The following MDN1 variants were observed in gnomAD, a reference collection of about 807,000 sequenced individuals.
MDN1 encodes midasin.
In MDN1, 266 loss-of-function variants were observed where a neutral mutation model predicts 669.2. That is an observed-to-expected ratio of 0.40 (90% CI 0.36 to 0.44). The LOEUF is 0.44. Among genes scored for constraint, MDN1 ranks in the 20% least tolerant of loss-of-function variants. The probability of loss-of-function intolerance (pLI) is 1.00; values close to 1 mark genes in which losing one functional copy is unlikely to be tolerated. For synonymous variants in MDN1, 2,385 were observed against 2,457.1 expected, an observed-to-expected ratio of 0.97 and a Z score of 0.87; for missense variants, 5,940 against 6,754.0, an observed-to-expected ratio of 0.88 and a Z score of 4.22.
chr6:89,643,915 T>C lies in MDN1; in HGVS notation c.*90A>G, dbSNP rs1405808003. ...GTAAAATAAAAATATTACAATAAAA[T>C]TTTTTGTAGTTGTCCAAAAGGGAGC... On this transcript the variant is annotated 3_prime_UTR_variant, in exon 102 of 102. Coordinates refer to ENST00000369393, the MANE Select transcript of MDN1 (RefSeq NM_014611.3). 3.0e-5 allele frequency: 33 copies of C among 1,103,956 alleles called. No individual in the cohort carries two copies. Among genetic ancestry groups the C allele is most frequent in the Non-Finnish European group, 3.6e-5 (29 of 796,418 alleles). 68.4% of individuals were successfully genotyped at this position (1,103,956 alleles called of 1,614,324 possible). A position where few individuals can be genotyped will look rare whatever the true frequency, so the allele number is the denominator to read the frequency against.
chr6:89,780,031 AC>A (rs1178418123), intron 11 of MDN1, among the ~76,000 whole-genome samples, 180 bp downstream of exon 11: 1 of 151,762 alleles, frequency 6.6e-6, no homozygotes, highest in Admixed American at 6.6e-5. Flanking sequence ...ACGCCACTGC[AC>A]TCCAGCCTTG....
At chr6:89,756,062 T>C (rs1407702199) in intron 20 of MDN1, among the ~76,000 whole-genome samples, 1 of 152,234 alleles carries the variant, frequency 6.6e-6, no homozygotes, top group Non-Finnish European at 1.5e-5. Context: ...TATCTTCTCA[T>C]AGGTAATGAT....
At chr6:89,796,716 G>C (rs1384678506) in intron 2 of MDN1, among the ~76,000 whole-genome samples, 1 of 152,052 alleles carries the variant, frequency 6.6e-6, no homozygotes, top group African/African-American at 2.4e-5. Flanking sequence ...GCCTAAAATG[G>C]CTCTAAATTA....
chr6:89,733,812 T>A (rs1815758077), intron 33 of MDN1, among the ~76,000 whole-genome samples: 1 of 151,520 alleles, frequency 6.6e-6, no homozygotes, highest in Admixed American at 6.6e-5. Flanking sequence ...AATGAAAAAA[T>A]CCATTAATAG....
At chr6:89,664,077 G>A (rs1013853701) in intron 85 of MDN1, among the ~76,000 whole-genome samples, 2 of 152,188 alleles carry the variant, frequency 1.3e-5, no homozygotes, top group Non-Finnish European at 2.9e-5. Context: ...CCTGAGGGGG[G>A]ATCTATTTCT....
At chr6:89,720,738 G>C (rs1814762104) in intron 40 of MDN1, among the ~76,000 whole-genome samples, 1 of 152,204 alleles carries the variant, frequency 6.6e-6, no homozygotes, top group Non-Finnish European at 1.5e-5. Flanking sequence ...CAATAAAGCT[G>C]TTAAAAACTA....
At chr6:89,688,549 C>T (rs1468487633) in intron 66 of MDN1, 24 bp downstream of exon 66, 1 of 1,601,760 alleles carries the variant, frequency 6.2e-7, no homozygotes, top group South Asian at 1.1e-5. Context: ...ACTGTGAGCA[C>T]TCCTTCCTCA....
chr6:89,805,067 GCC>G (rs1302286934), intron 1 of MDN1, among the ~76,000 whole-genome samples: 2 of 145,472 alleles, frequency 1.4e-5, no homozygotes, highest in Non-Finnish European at 3.0e-5. Context: ...AAATTCTAGT[GCC>G]CGGGTTCAGA....
intron 16 of MDN1, 34 bp downstream of exon 16, chr6:89,762,285 C>T (rs775686725): frequency 1.3e-6 from 2 of 1,564,756 alleles, no homozygotes; most frequent in East Asian, 2.2e-5. Flanking sequence ...CAGCCCCATG[C>T]CCTCCCCCAT....
At chr6:89,696,303 C>G in intron 60 of MDN1, 57 bp downstream of exon 60, 1 of 1,554,524 alleles carries the variant, frequency 6.4e-7, no homozygotes, top group Non-Finnish European at 8.9e-7. Flanking sequence ...GGTCTCTGCT[C>G]CATGCTGTGG....
intron 56 of MDN1, among the ~76,000 whole-genome samples, 170 bp from the exon 57 acceptor site, chr6:89,700,464 A>G (rs1813077289): frequency 6.6e-6 from 1 of 152,190 alleles, no homozygotes; most frequent in Non-Finnish European, 1.5e-5. Context: ...TACCCACATG[A>G]TTCTGATGGA....
Position 89,692,569 on chromosome 6 carries a change from C to T in MDN1, c.10461G>A (p.Lys3487=). 1.2e-6 allele frequency: 2 copies of T among 1,614,230 alleles called. No homozygotes were observed. The highest frequency in any genetic ancestry group is 1.7e-6 in the Non-Finnish European group (2 of 1,180,024). Residue 3487 remains lysine (K), a synonymous_variant, in exon 63 of 102, where the codon AAG becomes AAA. Coordinates refer to ENST00000369393, the MANE Select transcript of MDN1 (RefSeq NM_014611.3). ...CCCGAGTGGGACAGGCTTTCTGGCC[C>T]TTGCCTTCCAGCTCCTTTCCTCCTG... The part of the protein sequence containing the change: ...KRSGGKELEG[K]GQKACPTREQ...
chr6:89,710,959 TA>T (rs899269744), intron 49 of MDN1, among the ~76,000 whole-genome samples, 165 bp from the exon 50 acceptor site: 1 of 152,246 alleles, frequency 6.6e-6, no homozygotes, highest in Admixed American at 6.5e-5. Flanking sequence ...TTTATTTTTT[TA>T]AATCTAATCT....
At chr6:89,739,488 C>T (rs368123150) in intron 32 of MDN1, among the ~76,000 whole-genome samples, 1 of 152,076 alleles carries the variant, frequency 6.6e-6, no homozygotes, top group Non-Finnish European at 1.5e-5. Flanking sequence ...TTTCAGCTAC[C>T]CACCAAATTA....
At chr6:89,783,320 T>TA (rs1289950809) in intron 9 of MDN1, among the ~76,000 whole-genome samples, 1 of 152,092 alleles carries the variant, frequency 6.6e-6, no homozygotes, top group East Asian at 1.9e-4. Flanking sequence ...ATGCCTGTCT[T>TA]ATGCGGTTAA....
rs758742180 is a variant in MDN1, at chr6:89,661,426, C to T, written c.14713+5G>A. ...AACCGGTCTCTTTGTTTCTGAAAGA[C>T]GCACCTTCTCCTTCTTCATTGTCGG... On this transcript the variant is annotated splice_donor_5th_base_variant and intron_variant, in intron 88 of 101. Transcript: ENST00000369393. The T allele has an allele frequency of 1.7e-5, 28 of 1,608,646 alleles. No individual in the cohort carries two copies. Among genetic ancestry groups the T allele is most frequent in the African/African-American group, 6.7e-5 (5 of 74,498 alleles).
intron 18 of MDN1, 84 bp downstream of exon 18, chr6:89,758,729 CCTT>C: frequency 7.0e-7 from 1 of 1,420,416 alleles, no homozygotes; most frequent in South Asian, 1.3e-5. Flanking sequence ...CCCATGTCAT[CCTT>C]CTAACAACAA....
intron 27 of MDN1, among the ~76,000 whole-genome samples, chr6:89,746,611 A>AAAGAAAGAAAGAAAGAAAGAAAGAAAG (rs1554191095): frequency 7.4e-5 from 3 of 40,532 alleles, no homozygotes; most frequent in African/African-American, 2.7e-4. Context: ...AAAAAAAAAA[A>AAAGAAAGAAAGAAAGAAAGAAAGAAAG]AAAGAAAGAA....
At position 89,676,122 on chromosome 6, in the gene MDN1, C is replaced by CA; in HGVS notation, c.12624_12625insT (p.Ala4209CysfsTer40). 6.2e-7 allele frequency: 1 copy of CA among 1,614,184 alleles called. No individual in the cohort carries two copies. Among genetic ancestry groups the CA allele is most frequent in the South Asian group, 1.1e-5 (1 of 91,084 alleles). On this transcript the variant is annotated frameshift_variant, in exon 77 of 102. Coordinates refer to ENST00000369393, the MANE Select transcript of MDN1 (RefSeq NM_014611.3). LOFTEE classifies it high-confidence loss of function. ...TCTACCTTGGCAGGAGTTGCTAGTG[C>CA]TGCGTTAAGCCTGGCATGCCGTGCA...
Sources: gnomAD v4.1 joint callset for allele counts (sites outside exome capture counted in the v4.1 genomes callset) on GRCh38, gnomAD v4.1.1 for gene constraint, MANE v1.5 for transcripts, NCBI Gene and HGNC (gene_info 2026-07-23, HGNC 2026-07-21) for gene names.